PHC1: variants seen among roughly 807,000 people sequenced by gnomAD.
The protein encoded by PHC1 is polyhomeotic homolog 1.
Under a neutral mutation model 104.3 loss-of-function variants are expected in PHC1, and 12 were observed. The observed-to-expected ratio is 0.12, with a 90% CI of 0.07 to 0.19. PHC1 has a LOEUF of 0.19. Among genes scored for constraint, PHC1 ranks in the 10% least tolerant of loss-of-function variants. The pLI, the probability that PHC1 is intolerant of heterozygous loss-of-function variation, is 1.00. For missense variants in PHC1, 671 were observed against 1,200.0 expected (o/e 0.56, Z 6.51); for synonymous variants, 302 against 455.8 (o/e 0.66, Z 4.30).
intron 14 of PHC1, among the ~76,000 whole-genome samples, chr12:8,938,522 T>A (rs776341522): frequency 2.7e-4 from 41 of 150,882 alleles, no homozygotes; most frequent in Non-Finnish European, 5.3e-4. Context: ...GCTCAAGAGA[T>A]CCTTCTGCCT....
intron 10 of PHC1, among the ~76,000 whole-genome samples, chr12:8,934,913 G>A (rs778492666): frequency 4.2e-4 from 64 of 151,912 alleles, no homozygotes; most frequent in Non-Finnish European, 6.5e-4. Flanking sequence ...AAAAAAGCCA[G>A]TTACTATTTT....
chr12:8,940,697 A>G lies in PHC1; in HGVS notation c.*1238A>G, dbSNP rs1251754820. 1.2e-5 allele frequency: 1 copy of G among 82,070 alleles called. No homozygotes were observed. The highest frequency in any genetic ancestry group is 2.3e-5 in the Non-Finnish European group (1 of 44,228). 5.1% of individuals were successfully genotyped at this position (82,070 alleles called of 1,614,324 possible). A position where few individuals can be genotyped will look rare whatever the true frequency, so the allele number is the denominator to read the frequency against. On this transcript the variant is annotated 3_prime_UTR_variant, in exon 15 of 15. Coordinates refer to ENST00000544916, the MANE Select transcript of PHC1 (RefSeq NM_004426.3). ...AAGATCAGTCCAGGTTTCTGGGCAC[A>G]TGGCCTAAACAGGAAGATGGAAGCA...
chr12:8,919,980 C>A lies in PHC1; in HGVS notation c.225+114C>A, dbSNP rs1945314467. On this transcript the variant is annotated intron_variant, in intron 3 of 14. Transcript: ENST00000544916. The surrounding 1 kb of genome is among the most constrained non-coding windows in gnomAD (Gnocchi z 4.9). ...TACTAAGCCAGGCTGCAGACAGCCT[C>A]CTCCGCCTCCTGTCCTTCTGTGGGA... 1 of 1,453,586 alleles carries A rather than the reference C, an allele frequency of 6.9e-7. No homozygotes were observed. The highest frequency in any genetic ancestry group is 1.4e-5 in the African/African-American group (1 of 71,328). 90.0% of individuals were successfully genotyped at this position (1,453,586 alleles called of 1,614,324 possible).
At chr12:8,938,209 C>T in intron 14 of PHC1, 149 bp downstream of exon 14, 1 of 606,558 alleles carries the variant, frequency 1.6e-6, no homozygotes, top group Non-Finnish European at 2.9e-6. Flanking sequence ...AAGTTGACTT[C>T]CTAATTTTTT....
rs1235608743 is a variant in PHC1, at chr12:8,939,461, G to A, written c.*2G>A. On this transcript the variant is annotated 3_prime_UTR_variant, in exon 15 of 15. Coordinates refer to ENST00000544916, the MANE Select transcript of PHC1 (RefSeq NM_004426.3). Reference sequence around the variant, plus strand: ...ATAAATGTCCTCAAGGAGACCTAAGGTGGCCCTCTTGCACAAACCAGCCTA... The same window carrying A: ...ATAAATGTCCTCAAGGAGACCTAAGATGGCCCTCTTGCACAAACCAGCCTA... 1.9e-6 allele frequency: 3 copies of A among 1,541,314 alleles called. No homozygotes were observed. Among genetic ancestry groups the A allele is most frequent in the East Asian group, 2.3e-5 (1 of 42,628 alleles).
chr12:8,916,314 CTTGT>C (rs1730740312), intron 1 of PHC1, among the ~76,000 whole-genome samples: 1 of 152,094 alleles, frequency 6.6e-6, no homozygotes, highest in East Asian at 1.9e-4. Context: ...TGATACTTTG[CTTGT>C]TTGTTTGTTT....
Position 8,923,969 on chromosome 12 carries a change from G to A in PHC1, c.612+1181G>A, listed in dbSNP as rs375963539. On this transcript the variant is annotated intron_variant, in intron 6 of 14. Coordinates refer to ENST00000544916, the MANE Select transcript of PHC1 (RefSeq NM_004426.3). Reference sequence around the variant, plus strand: ...ATTGTATTAGATATTATAAGTAATAGAGGTGATTTAAAGTGTATGGGAAGA... The same window carrying A: ...ATTGTATTAGATATTATAAGTAATAAAGGTGATTTAAAGTGTATGGGAAGA... Among the ~76,000 whole-genome samples the A allele has an allele frequency of 4.6e-5, 7 of 152,148 alleles. No individual in the cohort carries two copies. In the East Asian group the frequency reaches 9.6e-4, roughly 21 times the overall value.
intron 7 of PHC1, among the ~76,000 whole-genome samples, chr12:8,931,246 C>G (rs1245467683): frequency 2.0e-5 from 3 of 152,196 alleles, no homozygotes; most frequent in Non-Finnish European, 4.4e-5. Flanking sequence ...GAATTGCTTA[C>G]TGTTTTCTAG....
rs1265797351 is a variant in PHC1 at position 8,919,594 on chromosome 12, T to TA, written c.115-155dup. Among the ~76,000 whole-genome samples, 1 of 152,008 alleles carries TA rather than the reference T, an allele frequency of 6.6e-6. No individual in the cohort carries two copies. Among genetic ancestry groups the TA allele is most frequent in the African/African-American group, 2.4e-5 (1 of 41,366 alleles). On this transcript the variant is annotated intron_variant, in intron 2 of 14. Transcript: ENST00000544916. The surrounding 1 kb of genome is among the most constrained non-coding windows in gnomAD (Gnocchi z 4.9). ...GTGATAGAGCAGGTTGACTTTGCTC[T>TA]AAAAAAATGAAGGAAAATCAGCCGT...
At chr12:8,915,234 T>TC in intron 1 of PHC1, 1 of 152,792 alleles carries the variant, frequency 6.5e-6, no homozygotes, top group Non-Finnish European at 1.5e-5. Flanking sequence ...GTCAGTTCAT[T>TC]CCCGGCGCAC....
Position 8,920,996 on chromosome 12 carries a change from T to C in PHC1, c.237T>C (p.Ala79=). ...TTCCCCTTTAATAGGCCACAATTGCTGCCAGTCGGCAGGCCAGCTCCCCAA... is the reference window on the plus strand; with the variant it reads ...TTCCCCTTTAATAGGCCACAATTGCCGCCAGTCGGCAGGCCAGCTCCCCAA... ...SLAAVQQATI[A]ASRQASSPNT... Residue 79 remains alanine, a synonymous_variant, in exon 4 of 15, where the codon GCT becomes GCC. Coordinates refer to ENST00000544916, the MANE Select transcript of PHC1 (RefSeq NM_004426.3). The C allele has an allele frequency of 1.2e-6, 2 of 1,612,608 alleles. No individual in the cohort carries two copies. Among genetic ancestry groups the C allele is most frequent in the Middle Eastern group, 1.7e-4 (1 of 6,056 alleles).
chr12:8,924,278 A>T (rs1945452498), intron 6 of PHC1, among the ~76,000 whole-genome samples: 1 of 152,134 alleles, frequency 6.6e-6, no homozygotes, highest in African/African-American at 2.4e-5. Context: ...GGAGTTCAAG[A>T]CCAGCCTGAC....
rs1945981253 is a variant in PHC1, at chr12:8,940,517, A to AG, written c.*1058_*1059insG. 7.6e-6 allele frequency: 1 copy of AG among 130,994 alleles called. No homozygotes were observed. Among genetic ancestry groups the AG allele is most frequent in the African/African-American group, 2.9e-5 (1 of 34,482 alleles). 8.1% of individuals were successfully genotyped at this position (130,994 alleles called of 1,614,324 possible). On this transcript the variant is annotated 3_prime_UTR_variant, in exon 15 of 15. Coordinates refer to ENST00000544916, the MANE Select transcript of PHC1 (RefSeq NM_004426.3). ...ATTTTCCCTGTTTAGAAAGAAAAAA[A>AG]TCACTCCAATAGTATTGAAAAGTCC...
chr12:8,932,470 A>G, intron 7 of PHC1, 93 bp from the exon 8 acceptor site: 2 of 1,372,436 alleles, frequency 1.5e-6, no homozygotes, highest in Non-Finnish European at 2.0e-6. Flanking sequence ...AAACTAGGTT[A>G]TACCTTGGAA....
rs1255478590 is a variant in PHC1, at chr12:8,930,796, A to G, written c.974A>G (p.Gln325Arg). 4.0e-6 allele frequency: 6 copies of G among 1,508,912 alleles called. No individual in the cohort carries two copies. The highest frequency in any genetic ancestry group is 1.9e-5 in the Admixed American group (1 of 52,572). 93.5% of individuals were successfully genotyped at this position (1,508,912 alleles called of 1,614,324 possible). Residue 325 changes from glutamine (Q) to arginine (R), a missense_variant, in exon 7 of 15, where the codon CAG becomes CGG. Gln to Arg is a conservative substitution (Grantham distance 43). Transcript: ENST00000544916. Reference protein sequence around the residue: ...LPAAQTVTVSQGSQTEAESAA... With the variant: ...LPAAQTVTVSRGSQTEAESAA... ...GCAGCCCAAACAGTGACTGTGAGCC[A>G]GGGCAGCCAGACAGAGGCAGAAAGT...
intron 10 of PHC1, among the ~76,000 whole-genome samples, 173 bp downstream of exon 10, chr12:8,934,651 AT>A (rs1945783634): frequency 6.6e-6 from 1 of 152,200 alleles, no homozygotes; most frequent in African/African-American, 2.4e-5. Flanking sequence ...GGACCATAAA[AT>A]GAAAATGTTA....
intron 10 of PHC1, 59 bp from the exon 11 acceptor site, chr12:8,935,065 A>G: frequency 2.5e-6 from 2 of 807,802 alleles, no homozygotes; most frequent in East Asian, 2.8e-5. Flanking sequence ...TGTTGGGGAA[A>G]GCTATAGAGA....
chr12:8,930,018 T>C lies in PHC1; in HGVS notation c.613-417T>C, dbSNP rs190211012. 1.8e-3 allele frequency among the ~76,000 whole-genome samples: 276 copies of C among 152,308 alleles called. 2 individuals are homozygous for C. The highest frequency in any genetic ancestry group is 0.014 in the South Asian group (67 of 4,830). ...GGGTGCATATCTATACATCTTATTATGTCATAAGTGATAATTTTCTTGTCT... is the reference window on the plus strand; with the variant it reads ...GGGTGCATATCTATACATCTTATTACGTCATAAGTGATAATTTTCTTGTCT... On this transcript the variant is annotated intron_variant, in intron 6 of 14. Transcript: ENST00000544916.
chr12:8,923,553 G>C (rs1945424802), intron 6 of PHC1, among the ~76,000 whole-genome samples: 1 of 152,166 alleles, frequency 6.6e-6, no homozygotes, highest in Non-Finnish European at 1.5e-5. Flanking sequence ...GAAAGGCCGG[G>C]CGCGGTGGCT....
Sources: allele counts gnomAD v4.1 joint callset (sites outside exome capture counted in the v4.1 genomes callset), GRCh38; gene constraint gnomAD v4.1.1; non-coding constraint Gnocchi (gnomAD v3.1); transcripts MANE v1.5; gene names NCBI Gene and HGNC (gene_info 2026-07-23, HGNC 2026-07-21).